Variants in SETD7 observed in about 807,000 individuals in gnomAD.
SETD7 encodes the protein histone-lysine N-methyltransferase SETD7.
In SETD7, 16 loss-of-function variants were observed where a neutral mutation model predicts 41.8. The observed-to-expected ratio is 0.38, with a 90% CI of 0.26 to 0.58. The LOEUF (loss-of-function observed/expected upper bound fraction) is 0.58, where lower values mean the gene tolerates loss of function less well. Among genes scored for constraint, SETD7 ranks in the 20% least tolerant of loss-of-function variants. The pLI, the probability that SETD7 is intolerant of heterozygous loss-of-function variation, is 0.64. For synonymous variants in SETD7, 163 were observed against 169.7 expected, an observed-to-expected ratio of 0.96 and a Z score of 0.31; for missense variants, 346 against 459.7, an observed-to-expected ratio of 0.75 and a Z score of 2.26.
chr4:139,554,429 T>C (rs1331344261), intron 1 of SETD7, among the ~76,000 whole-genome samples: 2 of 152,234 alleles, frequency 1.3e-5, no homozygotes, highest in African/African-American at 4.8e-5. Context: ...AGGGTTTGTA[T>C]TTAATTTTTA....
chr4:139,502,644 G>A (rs574890160), downstream of SETD7, among the ~76,000 whole-genome samples: 20 of 152,316 alleles, frequency 1.3e-4, no homozygotes, highest in Middle Eastern at 3.4e-3. Context: ...TGGCAAAGCC[G>A]GGTGAAACCA....
intron 2 of SETD7, among the ~76,000 whole-genome samples, chr4:139,545,924 G>A (rs1288495951): frequency 2.0e-5 from 3 of 152,146 alleles, no homozygotes; most frequent in Non-Finnish European, 2.9e-5. Context: ...GCCCTTTTGC[G>A]GCTCTGAATT....
At chr4:139,495,790 G>A (rs1726443325), downstream of SETD7, among the ~76,000 whole-genome samples, 1 of 152,184 alleles carries the variant, frequency 6.6e-6, no homozygotes, top group African/African-American at 2.4e-5. Flanking sequence ...AATGTTTAAT[G>A]ATCTCTGATA....
downstream of SETD7, among the ~76,000 whole-genome samples, chr4:139,502,687 C>T (rs1726608759): frequency 6.6e-6 from 1 of 152,204 alleles, no homozygotes; most frequent in African/African-American, 2.4e-5. Context: ...CTTTCCACCA[C>T]ACAACCCTCC....
intron 1 of SETD7, among the ~76,000 whole-genome samples, chr4:139,548,353 G>A (rs1462837157): frequency 3.9e-5 from 6 of 152,134 alleles, no homozygotes; most frequent in Admixed American, 2.0e-4. Flanking sequence ...ATATGCGGCC[G>A]GGCATGGTGG....
downstream of SETD7, among the ~76,000 whole-genome samples, chr4:139,501,828 G>A (rs1726582988): frequency 1.3e-5 from 2 of 152,190 alleles, no homozygotes; most frequent in Non-Finnish European, 2.9e-5. Context: ...ATGTGGCAGG[G>A]CAGCGGAGAC....
chr4:139,546,483 G>A (rs894542018), intron 2 of SETD7: 4 of 272,404 alleles, frequency 1.5e-5, no homozygotes, highest in Admixed American at 1.0e-4. Context: ...TGTGCTGAAC[G>A]CAATAGAGTG....
intron 2 of SETD7, among the ~76,000 whole-genome samples, chr4:139,545,298 C>T (rs558092901): frequency 6.6e-6 from 1 of 152,156 alleles, no homozygotes; most frequent in Admixed American, 6.5e-5. Flanking sequence ...AAGGTCTCTA[C>T]ACCTCGTGGC....
chr4:139,504,251 C>T (rs188007527), downstream of SETD7, among the ~76,000 whole-genome samples: 18 of 152,266 alleles, frequency 1.2e-4, no homozygotes, highest in African/African-American at 4.1e-4. Context: ...TTTCCGTGTA[C>T]ATTATAAGAA....
downstream of SETD7, among the ~76,000 whole-genome samples, chr4:139,502,173 T>C (rs1351157829): frequency 6.6e-6 from 1 of 152,230 alleles, no homozygotes; most frequent in Non-Finnish European, 1.5e-5. Flanking sequence ...CGAGTATTTA[T>C]TGAGTGCTTA....
intron 1 of SETD7, among the ~76,000 whole-genome samples, chr4:139,548,838 AG>A (rs554587429): frequency 6.6e-6 from 1 of 152,310 alleles, no homozygotes; most frequent in South Asian, 2.1e-4. Flanking sequence ...AAAAGAGGAA[AG>A]GCCCAGGAAA....
intron 3 of SETD7, among the ~76,000 whole-genome samples, chr4:139,529,585 A>G (rs1727425782): frequency 6.6e-6 from 1 of 152,224 alleles, no homozygotes; most frequent in African/African-American, 2.4e-5. Context: ...TTTAAAGGAA[A>G]TGTAACTAAG....
intron 7 of SETD7, 56 bp downstream of exon 7, chr4:139,517,823 CCCTCCT>C: frequency 2.6e-6 from 4 of 1,520,302 alleles, no homozygotes; most frequent in Non-Finnish European, 1.8e-6. Flanking sequence ...CTTTTTACTG[CCCTCCT>C]CCGTCTCAGG....
intron 4 of SETD7, among the ~76,000 whole-genome samples, chr4:139,526,274 A>AT (rs35426583): frequency 0.036 from 5,045 of 141,246 alleles, 271 homozygotes; most frequent in African/African-American, 0.11. Context: ...ACTCTCAACA[A>AT]TTTTTTTTTT....
intron 7 of SETD7, among the ~76,000 whole-genome samples, chr4:139,500,986 TC>T (rs1466155779): frequency 6.6e-6 from 1 of 152,080 alleles, no homozygotes; most frequent in Non-Finnish European, 1.5e-5. Flanking sequence ...CTGAAATGTT[TC>T]CCCTGGAATC....
intron 3 of SETD7, among the ~76,000 whole-genome samples, chr4:139,529,440 G>C (rs1315318255): frequency 1.3e-4 from 20 of 152,154 alleles, no homozygotes; most frequent in Admixed American, 1.3e-3. Context: ...TACGCATTTG[G>C]GGCATGTATG....
At chr4:139,525,086 G>A (rs1727287865) in intron 4 of SETD7, among the ~76,000 whole-genome samples, 1 of 152,212 alleles carries the variant, frequency 6.6e-6, no homozygotes, top group Non-Finnish European at 1.5e-5. Flanking sequence ...CAAAGTGCGG[G>A]TATTACAGGC....
chr4:139,552,257 T>G (rs1049015689), intron 1 of SETD7, among the ~76,000 whole-genome samples: 2 of 152,206 alleles, frequency 1.3e-5, no homozygotes, highest in Non-Finnish European at 2.9e-5. Context: ...GGAGTGTTAA[T>G]AAAAAATATT....
intron 7 of SETD7, among the ~76,000 whole-genome samples, chr4:139,498,842 A>G (rs1035954533): frequency 2.2e-4 from 34 of 152,178 alleles, no homozygotes; most frequent in Admixed American, 1.0e-3. Context: ...TAAAGAAATT[A>G]TCTCATGCCT....
Sources: gnomAD v4.1 joint callset for allele counts (sites outside exome capture counted in the v4.1 genomes callset) on GRCh38, gnomAD v4.1.1 for gene constraint, MANE v1.5 for transcripts, NCBI Gene and HGNC (gene_info 2026-07-23, HGNC 2026-07-21) for gene names.